The following PRCP variants were observed in gnomAD, a reference collection of about 807,000 sequenced individuals.
PRCP encodes the protein prolylcarboxypeptidase, also known as lysosomal Pro-X carboxypeptidase.
In PRCP, 46 loss-of-function variants were observed where a neutral mutation model predicts 54.2. The ratio of observed to expected loss-of-function variants is 0.85; its 90% CI spans 0.67 to 1.09. The LOEUF (loss-of-function observed/expected upper bound fraction) is 1.09. PRCP is among the 50% of genes least tolerant of loss of function. The probability of loss-of-function intolerance (pLI) is 0.00; values close to 1 mark genes in which losing one functional copy is unlikely to be tolerated. For synonymous variants in PRCP, 240 were observed against 212.2 expected, an observed-to-expected ratio of 1.13 and a Z score of -1.14; for missense variants, 613 against 596.8, an observed-to-expected ratio of 1.03 and a Z score of -0.28.
chr11:82,885,536 T>A (rs1236955384), intron 1 of PRCP, among the ~76,000 whole-genome samples: 1 of 152,210 alleles, frequency 6.6e-6, no homozygotes, highest in East Asian at 1.9e-4. Context: ...ATTATACACT[T>A]TATTAAATAG....
At chr11:82,879,056 T>C (rs1464391575) in intron 1 of PRCP, among the ~76,000 whole-genome samples, 2 of 152,224 alleles carry the variant, frequency 1.3e-5, no homozygotes, top group Non-Finnish European at 2.9e-5. Flanking sequence ...GTTCTCTGTA[T>C]TTCCTGAATT....
chr11:82,893,304 C>T (rs1243662284), intron 1 of PRCP, among the ~76,000 whole-genome samples: 1 of 152,214 alleles, frequency 6.6e-6, no homozygotes, highest in Non-Finnish European at 1.5e-5. Flanking sequence ...AAGGGTCATA[C>T]ATTTTGTTAG....
In PRCP at chr11:82,825,421, A is replaced by G. The variant is rs151211704; in HGVS notation, c.1275-299T>C. The G allele has an allele frequency of 7.3e-4, 231 of 316,880 alleles. 4 individuals are homozygous for G. The highest frequency in any genetic ancestry group is 4.6e-3 in the African/African-American group (210 of 45,986). The allele number at this position is 316,880 out of a possible 1,614,324, so 19.6% of individuals were successfully genotyped here. On this transcript the variant is annotated intron_variant, in intron 8 of 8. Coordinates refer to ENST00000313010, the MANE Select transcript of PRCP (RefSeq NM_005040.4). ...AAACCTGAATTTCAATCCTGATTTC[A>G]TTATTCAAAAGTTATATAATGCAAG... is the stretch of plus-strand genomic sequence containing the variant.
chr11:82,858,027 G>A (rs1347852399), intron 2 of PRCP, among the ~76,000 whole-genome samples: 1 of 152,182 alleles, frequency 6.6e-6, no homozygotes, highest in African/African-American at 2.4e-5. Flanking sequence ...CCATTACAAT[G>A]TCCAGACCTC....
chr11:82,849,192 C>T lies in PRCP; in HGVS notation c.778G>A (p.Ala260Thr), dbSNP rs558200467. ...GTTAATGGGCTGCATAAGTGAAGGG[C>T]TCCAGTAAGCCACTGCAAACCACTG... is the stretch of plus-strand genomic sequence containing the variant. ...TGSGLQWLTG[A>T]LHLCSPLTSQ... The change falls in exon 6 of 9, where the codon GCC (alanine) becomes ACC (threonine). Residue 260 changes from alanine (A) to threonine (T), a missense_variant. By Grantham distance (58) the Ala-to-Thr change is moderately conservative. Transcript: ENST00000313010. 50 of 1,614,044 alleles carry T rather than the reference C, an allele frequency of 3.1e-5. No individual in the cohort carries two copies. The East Asian group carries it at 1.0e-3, about 34-fold the overall frequency.
intron 1 of PRCP, among the ~76,000 whole-genome samples, chr11:82,881,504 TG>T (rs1859749689): frequency 6.6e-6 from 1 of 151,950 alleles, no homozygotes; most frequent in African/African-American, 2.4e-5. Flanking sequence ...TCTGAAGATG[TG>T]GGGTTTAAGC....
At chr11:82,860,363 A>G (rs1257725377) in intron 1 of PRCP, among the ~76,000 whole-genome samples, 1 of 152,002 alleles carries the variant, frequency 6.6e-6, no homozygotes, top group East Asian at 1.9e-4. Context: ...AAGAAAAAAT[A>G]CAATTATAAA....
intron 1 of PRCP, chr11:82,884,830 G>A: frequency 6.2e-7 from 1 of 1,613,364 alleles, no homozygotes; most frequent in Non-Finnish European, 8.5e-7. Context: ...TACCAGAGGA[G>A]TCTTGTAATG....
intron 1 of PRCP, among the ~76,000 whole-genome samples, chr11:82,864,275 A>G (rs964155998): frequency 2.0e-5 from 3 of 152,228 alleles, no homozygotes; most frequent in Non-Finnish European, 4.4e-5. Context: ...CACAACATGA[A>G]TTTACAGAAT....
chr11:82,874,877 G>A (rs1475456402), intron 1 of PRCP, among the ~76,000 whole-genome samples: 2 of 151,904 alleles, frequency 1.3e-5, no homozygotes, highest in Non-Finnish European at 2.9e-5. Context: ...TCTATTCAAC[G>A]CCACTCCCTT....
At chr11:82,880,632 T>G (rs1460907308) in intron 1 of PRCP, among the ~76,000 whole-genome samples, 2 of 152,242 alleles carry the variant, frequency 1.3e-5, no homozygotes, top group African/African-American at 4.8e-5. Flanking sequence ...AGACTGGAGC[T>G]GTTCCTATTC....
intron 8 of PRCP, 27 bp downstream of exon 8, chr11:82,838,360 G>A (rs1317787748): frequency 1.9e-6 from 3 of 1,577,426 alleles, no homozygotes; most frequent in South Asian, 1.2e-5. Flanking sequence ...ACCAACTGAA[G>A]TTTATCTTTG....
At chr11:82,886,512 G>A (rs940319804) in intron 1 of PRCP, among the ~76,000 whole-genome samples, 2 of 151,892 alleles carry the variant, frequency 1.3e-5, no homozygotes, top group African/African-American at 4.8e-5. Flanking sequence ...TCAAACTCCT[G>A]GTCTCAAGTG....
At chr11:82,874,278 TAAC>T (rs1366136082) in intron 1 of PRCP, among the ~76,000 whole-genome samples, 2 of 152,126 alleles carry the variant, frequency 1.3e-5, no homozygotes, top group Non-Finnish European at 2.9e-5. Context: ...TACTAGAGTA[TAAC>T]AACAGTGAAC....
intron 6 of PRCP, among the ~76,000 whole-genome samples, chr11:82,841,270 A>AAAG (rs1858663951): frequency 6.7e-6 from 1 of 148,932 alleles, no homozygotes. Context: ...CAGCGGGGGA[A>AAAG]AAAAAAAAAA....
chr11:82,850,008 C>T lies in PRCP; in HGVS notation c.657G>A (p.Met219Ile), dbSNP rs1858910238. 1 of 1,556,614 alleles carries T rather than the reference C, an allele frequency of 6.4e-7. No homozygotes were observed. The highest frequency in any genetic ancestry group is 1.9e-5 in the Admixed American group (1 of 53,882). The change falls in exon 5 of 9, where the codon ATG (methionine) becomes ATA (isoleucine). Residue 219 changes from methionine to isoleucine, a missense_variant. Transcript: ENST00000313010. The stretch of plus-strand genomic sequence containing the variant: ...TCCTAAAATCTGTAGTTACGATCTT[C>T]ATAAATACACCACAAGGTACTAAAT... ...FEDLVPCGVFMKIVTTDFRKS... is the reference protein window; with the variant it reads ...FEDLVPCGVFIKIVTTDFRKS...
Position 82,860,669 on chromosome 11 carries a change from A to G in PRCP, c.169-552T>C, listed in dbSNP as rs186011522. On this transcript the variant is annotated intron_variant, in intron 1 of 8. Coordinates refer to ENST00000313010, the MANE Select transcript of PRCP (RefSeq NM_005040.4). ...TTTCAAAATACAGTTTTCCATTACT[A>G]TCTGAATTTTCATTGTACAAACTTT... 2.0e-3 allele frequency among the ~76,000 whole-genome samples: 299 copies of G among 152,220 alleles called. 1 individual carries two copies. Among genetic ancestry groups the G allele is most frequent in the African/African-American group, 6.6e-3 (274 of 41,554 alleles).
chr11:82,865,412 C>T (rs1859308011), intron 1 of PRCP, among the ~76,000 whole-genome samples: 1 of 152,174 alleles, frequency 6.6e-6, no homozygotes, highest in South Asian at 2.1e-4. Flanking sequence ...GAATGTTGGT[C>T]TTTTCACTGA....
At chr11:82,867,590 G>A (rs1591060162) in intron 1 of PRCP, among the ~76,000 whole-genome samples, 1 of 152,156 alleles carries the variant, frequency 6.6e-6, no homozygotes, top group East Asian at 1.9e-4. Flanking sequence ...AGAATTACCG[G>A]GCCACAGCTC....
Sources: gnomAD v4.1 joint callset for allele counts (sites outside exome capture counted in the v4.1 genomes callset) on GRCh38, gnomAD v4.1.1 for gene constraint, MANE v1.5 for transcripts, NCBI Gene and HGNC (gene_info 2026-07-23, HGNC 2026-07-21) for gene names.